CAMSAP3: variants seen among roughly 807,000 people sequenced by gnomAD.
CAMSAP3 encodes calmodulin regulated spectrin associated protein family member 3, also known as calmodulin-regulated spectrin-associated protein 3.
Under a neutral mutation model 112.5 loss-of-function variants are expected in CAMSAP3, and 34 were observed. The ratio of observed to expected loss-of-function variants is 0.30; its 90% CI spans 0.23 to 0.40. CAMSAP3 has a LOEUF of 0.40. Ranked by LOEUF, CAMSAP3 falls within the 10% of genes least tolerant of loss-of-function variation. CAMSAP3 has a pLI of 1.00. For missense variants in CAMSAP3, 1,602 were observed against 1,770.3 expected, an observed-to-expected ratio of 0.90 and a Z score of 1.71; for synonymous variants, 868 against 799.8, an observed-to-expected ratio of 1.09 and a Z score of -1.44.
chr19:7,617,696 TGGGTGGGTGGGTGGC>T lies in CAMSAP3; in HGVS notation c.3444+36_3445-41del. The T allele has an allele frequency of 6.2e-7, 1 of 1,606,390 alleles. No individual in the cohort carries two copies. The highest frequency in any genetic ancestry group is 8.5e-7 in the Non-Finnish European group (1 of 1,173,862). ...CCCACACGTGGGAGTTGGGGGCTGG[TGGGTGGGTGGGTGGC>T]CTGACTTGGCCAGCTGACCATTTCC... On this transcript the variant is annotated intron_variant, in intron 16 of 16. Coordinates refer to ENST00000160298, the MANE Select transcript of CAMSAP3 (RefSeq NM_020902.2). This position sits in a 1 kb window ranked among gnomAD's most constrained non-coding sequence, Gnocchi z 7.5.
At chr19:7,598,077 G>A (rs189173446) in intron 1 of CAMSAP3, among the ~76,000 whole-genome samples, 1 of 152,294 alleles carries the variant, frequency 6.6e-6, no homozygotes, top group East Asian at 1.9e-4. Flanking sequence ...GGGCGCTCAG[G>A]GTGTAGAGGA....
At chr19:7,599,794 TCCACCCGC>T (rs1568438104) in intron 1 of CAMSAP3, among the ~76,000 whole-genome samples, 1 of 23,008 alleles carries the variant, frequency 4.3e-5, no homozygotes, top group Non-Finnish European at 8.1e-5. Context: ...CGCCCATCCA[TCCACCCGC>T]CCATCCATCC....
At position 7,595,983 on chromosome 19, in the gene CAMSAP3, CCCGCAGCCCCGGCGCCGCCA is replaced by C; in HGVS notation, c.-19_1del. ...GCCCAGTCCGAGCGCGGACCCGGCGCCCGCAGCCCCGGCGCCGCCATGGTGGAGGCGGCGCCCCCCGGGCC... is the reference window on the plus strand; with the variant it reads ...GCCCAGTCCGAGCGCGGACCCGGCGCTGGTGGAGGCGGCGCCCCCCGGGCC... On this transcript the variant is annotated start_lost and 5_prime_UTR_variant, in exon 1 of 17. Coordinates refer to ENST00000160298, the MANE Select transcript of CAMSAP3 (RefSeq NM_020902.2). The C allele has an allele frequency of 9.4e-7, 1 of 1,062,334 alleles. No individual in the cohort carries two copies. Among genetic ancestry groups the C allele is most frequent in the Non-Finnish European group, 1.1e-6 (1 of 873,838 alleles). The allele number at this position is 1,062,334 out of a possible 1,614,324, so 65.8% of individuals were successfully genotyped here. A position where few individuals can be genotyped will look rare whatever the true frequency, so the allele number is the denominator to read the frequency against.
Position 7,617,467 on chromosome 19 carries a change from A to C in CAMSAP3, c.3325+29A>C. ...AGCAGGGGCTCTGGGTGATGTGAGGAGCAACAGGCACCCTCCTCCACAGCC... is the reference window on the plus strand; with the variant it reads ...AGCAGGGGCTCTGGGTGATGTGAGGCGCAACAGGCACCCTCCTCCACAGCC... On this transcript the variant is annotated intron_variant, in intron 15 of 16. Coordinates refer to ENST00000160298, the MANE Select transcript of CAMSAP3 (RefSeq NM_020902.2). The surrounding 1 kb of genome is among the most constrained non-coding windows in gnomAD (Gnocchi z 7.5). 1 of 1,607,742 alleles carries C rather than the reference A, an allele frequency of 6.2e-7. No individual in the cohort carries two copies. The highest frequency in any genetic ancestry group is 8.5e-7 in the Non-Finnish European group (1 of 1,174,396).
chr19:7,606,908 A>G (rs1217614882), intron 4 of CAMSAP3: 17 of 1,299,286 alleles, frequency 1.3e-5, no homozygotes, highest in Non-Finnish European at 1.8e-5. Flanking sequence ...GCCCTCTCAT[A>G]CCTCCCCAAG....
intron 1 of CAMSAP3, among the ~76,000 whole-genome samples, chr19:7,599,023 T>C (rs976401580): frequency 1.3e-5 from 2 of 151,944 alleles, no homozygotes; most frequent in Non-Finnish European, 1.5e-5. Context: ...TATAAATAAA[T>C]GGTTGGGTGT....
At position 7,607,994 on chromosome 19, in the gene CAMSAP3, CA is replaced by C; in HGVS notation, c.622-130del. ...CCTCCCCTGCTCCAGGCTGGCCCCC[CA>C]ACTCTGTCTCTGGGACCCCCAGCTT... On this transcript the variant is annotated intron_variant, in intron 4 of 16. Transcript: ENST00000160298. The surrounding 1 kb of genome is among the most constrained non-coding windows in gnomAD (Gnocchi z 4.9). The C allele has an allele frequency of 1.7e-6, 2 of 1,148,996 alleles. No individual in the cohort carries two copies. The highest frequency in any genetic ancestry group is 2.5e-6 in the Non-Finnish European group (2 of 792,188). The allele number at this position is 1,148,996 out of a possible 1,614,324, so 71.2% of individuals were successfully genotyped here. A position where few individuals can be genotyped will look rare whatever the true frequency, so the allele number is the denominator to read the frequency against.
intron 1 of CAMSAP3, among the ~76,000 whole-genome samples, chr19:7,599,714 ACACTCATCCATCCACCCACCC>A (rs1315496204): frequency 2.4e-5 from 1 of 40,990 alleles, no homozygotes; most frequent in African/African-American, 1.0e-4. Flanking sequence ...ATCCACCCAC[ACACTCATCCATCCACCCACCC>A]CACTCATCCA....
In CAMSAP3 at chr19:7,595,982, G is replaced by T; in HGVS notation, c.-21G>T. The T allele has an allele frequency of 1.9e-6, 2 of 1,060,768 alleles. No individual in the cohort carries two copies. Among genetic ancestry groups the T allele is most frequent in the Non-Finnish European group, 2.3e-6 (2 of 872,636 alleles). 65.7% of individuals were successfully genotyped at this position (1,060,768 alleles called of 1,614,324 possible). A position where few individuals can be genotyped will look rare whatever the true frequency, so the allele number is the denominator to read the frequency against. On this transcript the variant is annotated 5_prime_UTR_variant, in exon 1 of 17. Transcript: ENST00000160298. ...AGCCCAGTCCGAGCGCGGACCCGGC[G>T]CCCGCAGCCCCGGCGCCGCCATGGT...
intron 5 of CAMSAP3, among the ~76,000 whole-genome samples, chr19:7,608,568 A>G (rs550671978): frequency 6.6e-6 from 1 of 151,942 alleles, no homozygotes; most frequent in South Asian, 2.1e-4. Flanking sequence ...CAGAATAGAG[A>G]CACACTCCCC....
chr19:7,615,234 G>GAGCGGCAGC lies in CAMSAP3; in HGVS notation c.2729_2737dup (p.Gln910_Arg912dup). 6.4e-7 allele frequency: 1 copy of GAGCGGCAGC among 1,552,300 alleles called. No homozygotes were observed. The highest frequency in any genetic ancestry group is 8.7e-7 in the Non-Finnish European group (1 of 1,148,046). On this transcript the variant is annotated inframe_insertion, in exon 12 of 17. Coordinates refer to ENST00000160298, the MANE Select transcript of CAMSAP3 (RefSeq NM_020902.2). This position sits in a 1 kb window ranked among gnomAD's most constrained non-coding sequence, Gnocchi z 6.5. ...GGCCCAAAAGCGGGCCAGCCTGCTG[G>GAGCGGCAGC]AGCGGCAGCAGCGGCGAGCAGAGGA...
Position 7,610,756 on chromosome 19 carries a change from C to T in CAMSAP3, c.957C>T (p.Pro319=), listed in dbSNP as rs775498597. 22 of 1,613,828 alleles carry T rather than the reference C, an allele frequency of 1.4e-5. No homozygotes were observed. The highest frequency in any genetic ancestry group is 8.9e-5 in the East Asian group (4 of 44,894). Residue 319 remains proline, a synonymous_variant, in exon 7 of 17, where the codon CCC becomes CCT. Coordinates refer to ENST00000160298, the MANE Select transcript of CAMSAP3 (RefSeq NM_020902.2). This position sits in a 1 kb window ranked among gnomAD's most constrained non-coding sequence, Gnocchi z 4.9. ...ELFMCFEVLK[P]DFVQVKDLPD... ...TCATGTGTTTTGAGGTGCTCAAGCC[C>T]GACTTTGTGCAAGTGAAGGACTTGC... is the stretch of plus-strand genomic sequence containing the variant.
rs1386602257 is a variant in CAMSAP3, at chr19:7,617,451, T to G, written c.3325+13T>G. The G allele has an allele frequency of 1.2e-6, 2 of 1,612,332 alleles. No individual in the cohort carries two copies. The highest frequency in any genetic ancestry group is 1.7e-6 in the Non-Finnish European group (2 of 1,178,586). ...CCCGAGTACACAGGTAAGCAGGGGCTCTGGGTGATGTGAGGAGCAACAGGC... is the reference window on the plus strand; with the variant it reads ...CCCGAGTACACAGGTAAGCAGGGGCGCTGGGTGATGTGAGGAGCAACAGGC... On this transcript the variant is annotated intron_variant, in intron 15 of 16. Transcript: ENST00000160298. This position sits in a 1 kb window ranked among gnomAD's most constrained non-coding sequence, Gnocchi z 7.5.
chr19:7,606,127 G>C, intron 2 of CAMSAP3, 144 bp from the exon 3 acceptor site: 4 of 886,386 alleles, frequency 4.5e-6, no homozygotes, highest in South Asian at 1.6e-5. Flanking sequence ...CCCCACCCAT[G>C]AACCACTGGC....
Position 7,611,164 on chromosome 19 carries a change from C to T in CAMSAP3, c.1119C>T (p.Ser373=), listed in dbSNP as rs756043461. ...SGGPQSPLRG[S]TGSLKSSPSM... is the part of the protein sequence containing the mutation. ...GCCCCCAGTCCCCACTCCGAGGATC[C>T]ACAGGTGAGGAGGGGGTAGGTGGCT... Residue 373 remains serine, a synonymous_variant, in exon 9 of 17, where the codon TCC becomes TCT. Transcript: ENST00000160298. This position sits in a 1 kb window ranked among gnomAD's most constrained non-coding sequence, Gnocchi z 6.9. The T allele has an allele frequency of 6.2e-7, 1 of 1,613,464 alleles. No homozygotes were observed. Among genetic ancestry groups the T allele is most frequent in the African/African-American group, 1.3e-5 (1 of 75,028 alleles).
At chr19:7,606,150 A>ACCCCCCCCCCCCCCCCCCAAAC in intron 2 of CAMSAP3, 121 bp from the exon 3 acceptor site, 1 of 265,232 alleles carries the variant, frequency 3.8e-6, no homozygotes, top group Non-Finnish European at 6.6e-6. Flanking sequence ...CGCCCCCTCA[A>ACCCCCCCCCCCCCCCCCCAAAC]GCCCCACCCC....
Position 7,595,970 on chromosome 19 carries a change from C to A in CAMSAP3, c.-33C>A, listed in dbSNP as rs1211840165. 3 of 1,031,236 alleles carry A rather than the reference C, an allele frequency of 2.9e-6. No individual in the cohort carries two copies. Among genetic ancestry groups the A allele is most frequent in the Non-Finnish European group, 3.5e-6 (3 of 852,716 alleles). The allele number at this position is 1,031,236 out of a possible 1,614,324, so 63.9% of individuals were successfully genotyped here. A position where few individuals can be genotyped will look rare whatever the true frequency, so the allele number is the denominator to read the frequency against. The stretch of plus-strand genomic sequence containing the variant: ...GCAGCCCAGCCCAGCCCAGTCCGAG[C>A]GCGGACCCGGCGCCCGCAGCCCCGG... On this transcript the variant is annotated 5_prime_UTR_variant, in exon 1 of 17. Coordinates refer to ENST00000160298, the MANE Select transcript of CAMSAP3 (RefSeq NM_020902.2).
At position 7,596,094 on chromosome 19, in the gene CAMSAP3, G is replaced by T; in HGVS notation, c.92G>T (p.Arg31Leu). The change falls in exon 1 of 17, where the codon CGG becomes CTG. Residue 31 changes from arginine (R) to leucine (L), a missense_variant. Around this residue, in one of 6 missense-constraint regions of CAMSAP3, gnomAD observed 147 missense variants for 144.6 expected, o/e 1.02. Transcript: ENST00000160298. ...IKSLDQYDFS[R>L]AKAAASLAWV... ...TCGCTGGACCAGTACGATTTCTCGC[G>T]GGCCAAGGCGGCGGCCAGCCTGGCG... The T allele has an allele frequency of 1.6e-6, 2 of 1,274,650 alleles. No homozygotes were observed. The highest frequency in any genetic ancestry group is 5.5e-5 in the East Asian group (1 of 18,048). 79.0% of individuals were successfully genotyped at this position (1,274,650 alleles called of 1,614,324 possible).
chr19:7,613,245 T>C (rs1268568862), intron 11 of CAMSAP3, 82 bp downstream of exon 11: 1 of 655,956 alleles, frequency 1.5e-6, no homozygotes, highest in Non-Finnish European at 2.0e-6. Context: ...ACAAACCCAC[T>C]ATTGGATGAA....
Sources: allele counts gnomAD v4.1 joint callset (sites outside exome capture counted in the v4.1 genomes callset), GRCh38; gene constraint gnomAD v4.1.1; regional missense constraint gnomAD v4.1.1; non-coding constraint Gnocchi (gnomAD v3.1); transcripts MANE v1.5; gene names NCBI Gene and HGNC (gene_info 2026-07-23, HGNC 2026-07-21).